The following ZFAT variants were observed in gnomAD, a reference collection of about 807,000 sequenced individuals.
The protein encoded by ZFAT is zinc finger protein ZFAT.
A neutral mutation model predicts 117.7 loss-of-function variants in ZFAT; 64 were observed. That is an observed-to-expected ratio of 0.54 (90% CI 0.44 to 0.67). The LOEUF (loss-of-function observed/expected upper bound fraction) is 0.67. ZFAT is among the 30% of genes least tolerant of loss of function. ZFAT has a pLI of 0.00. For missense variants in ZFAT, 1,433 were observed against 1,584.5 expected (o/e 0.90, Z 1.62); for synonymous variants, 679 against 615.0 (o/e 1.10, Z -1.54).
chr8:134,801,576 A>G, the ZFAT span, among the ~76,000 whole-genome samples: 1 of 152,024 alleles, frequency 6.6e-6, no homozygotes, highest in Non-Finnish European at 1.5e-5. Flanking sequence ...TTAAATACAC[A>G]TATACCTCCC....
chr8:134,634,152 A>G (rs1428069801), intron 3 of ZFAT, among the ~76,000 whole-genome samples: 1 of 152,268 alleles, frequency 6.6e-6, no homozygotes, highest in Non-Finnish European at 1.5e-5. Flanking sequence ...CACTGAGAAC[A>G]GCAACTGTAG....
At chr8:134,485,011 G>C (rs1166380453) in intron 15 of ZFAT, among the ~76,000 whole-genome samples, 1 of 152,114 alleles carries the variant, frequency 6.6e-6, no homozygotes, top group Non-Finnish European at 1.5e-5. Context: ...GACAGATCTA[G>C]GGCTCTGAGA....
chr8:134,713,000 AT>A lies in ZFAT; in HGVS notation c.-138del. On this transcript the variant is annotated 5_prime_UTR_variant, in exon 1 of 16. It removes the in-frame stop codon of an upstream open reading frame in the 5' UTR. Coordinates refer to ENST00000377838, the MANE Select transcript of ZFAT (RefSeq NM_020863.4). ...TTTTAAGAAAAGAGCCGGCGAGGTTATGGCGAATCTGCGGCATCCAACATGG... is the reference window on the plus strand; with the variant it reads ...TTTTAAGAAAAGAGCCGGCGAGGTTAGGCGAATCTGCGGCATCCAACATGG... 1 of 1,045,754 alleles carries A rather than the reference AT, an allele frequency of 9.6e-7. No homozygotes were observed. The highest frequency in any genetic ancestry group is 2.1e-5 in the South Asian group (1 of 47,106). The allele number at this position is 1,045,754 out of a possible 1,614,324, so 64.8% of individuals were successfully genotyped here. A position where few individuals can be genotyped will look rare whatever the true frequency, so the allele number is the denominator to read the frequency against.
the ZFAT span, among the ~76,000 whole-genome samples, chr8:134,763,968 T>G: frequency 4.6e-5 from 7 of 152,246 alleles, no homozygotes; most frequent in Non-Finnish European, 7.3e-5. Context: ...TTGGACAAAT[T>G]AGAAAACCTG....
At chr8:134,574,033 G>T (rs552622145) in intron 10 of ZFAT, among the ~76,000 whole-genome samples, 1 of 152,352 alleles carries the variant, frequency 6.6e-6, no homozygotes, top group East Asian at 1.9e-4. Flanking sequence ...AGAAGAAACA[G>T]GAATACTTGT....
the ZFAT span, among the ~76,000 whole-genome samples, chr8:134,808,551 ATCG>A: frequency 2.6e-5 from 4 of 152,208 alleles, no homozygotes; most frequent in Non-Finnish European, 5.9e-5. Context: ...AGTCTGTAAG[ATCG>A]TAGCAAGAGT....
At chr8:134,537,717 C>T (rs939991106) in intron 11 of ZFAT, among the ~76,000 whole-genome samples, 1 of 152,090 alleles carries the variant, frequency 6.6e-6, no homozygotes, top group Non-Finnish European at 1.5e-5. Context: ...AGGCAGGGAA[C>T]CAATTATCCA....
At chr8:134,816,198 G>A in the ZFAT span, among the ~76,000 whole-genome samples, 1 of 152,118 alleles carries the variant, frequency 6.6e-6, no homozygotes, top group Non-Finnish European at 1.5e-5. Flanking sequence ...TGAGGAACTA[G>A]GACTCAAAGA....
intron 15 of ZFAT, among the ~76,000 whole-genome samples, chr8:134,490,754 C>T (rs1817993938): frequency 6.6e-6 from 1 of 152,228 alleles, no homozygotes; most frequent in African/African-American, 2.4e-5. Flanking sequence ...TTTACCCCTC[C>T]CTGCATTCCT....
intron 1 of ZFAT, 58 bp from the exon 2 acceptor site, chr8:134,657,795 T>C (rs1586905308): frequency 6.4e-7 from 1 of 1,555,058 alleles, no homozygotes; most frequent in Admixed American, 1.8e-5. Flanking sequence ...AATTATTACT[T>C]CCAATTGCCA....
intron 10 of ZFAT, among the ~76,000 whole-genome samples, chr8:134,572,011 A>G (rs1267365794): frequency 2.0e-5 from 3 of 152,244 alleles, no homozygotes; most frequent in Non-Finnish European, 4.4e-5. Context: ...TACATGCAAG[A>G]AAGAAGCCCC....
intron 10 of ZFAT, among the ~76,000 whole-genome samples, chr8:134,572,094 C>T (rs889972843): frequency 6.6e-6 from 1 of 152,184 alleles, no homozygotes; most frequent in Non-Finnish European, 1.5e-5. Context: ...AATGGTTACA[C>T]AACTCATGGA....
intron 15 of ZFAT, among the ~76,000 whole-genome samples, chr8:134,506,357 C>A (rs544414232): frequency 1.3e-3 from 202 of 152,292 alleles, no homozygotes; most frequent in Non-Finnish European, 2.4e-3. Context: ...TCTTTCTGAG[C>A]GTTGGGAGAT....
chr8:134,512,508 C>G lies in ZFAT; in HGVS notation c.3328G>C (p.Ala1110Pro). 6.2e-7 allele frequency: 1 copy of G among 1,614,012 alleles called. No homozygotes were observed. The highest frequency in any genetic ancestry group is 1.1e-5 in the South Asian group (1 of 91,084). ...DVQGTQAAVAALQDLRYTSES... is the reference protein window; with the variant it reads ...DVQGTQAAVAPLQDLRYTSES... ...GAGGTGTATCTCAGGTCCTGGAGCG[C>G]GGCCACCGCTGCCTGTGTCCCTTGA... The change falls in exon 14 of 16, where the codon GCG (alanine) becomes CCG (proline). Residue 1110 changes from alanine to proline, a missense_variant. Ala to Pro is a conservative substitution (Grantham distance 27). Around this residue, in one of 5 missense-constraint regions of ZFAT, gnomAD observed 503 missense variants for 543.4 expected, o/e 0.93. Coordinates refer to ENST00000377838, the MANE Select transcript of ZFAT (RefSeq NM_020863.4).
the ZFAT span, among the ~76,000 whole-genome samples, chr8:134,804,411 G>A: frequency 2.6e-5 from 4 of 152,128 alleles, no homozygotes; most frequent in Non-Finnish European, 5.9e-5. Flanking sequence ...CTAAGAGGAC[G>A]GAGAAAAATG....
At chr8:134,747,290 G>A in the ZFAT span, among the ~76,000 whole-genome samples, 5 of 151,634 alleles carry the variant, frequency 3.3e-5, no homozygotes, top group African/African-American at 4.8e-5. Flanking sequence ...AGGTCTCACT[G>A]TGTTGCCCAG....
At chr8:134,730,503 A>G in the ZFAT span, among the ~76,000 whole-genome samples, 1 of 152,192 alleles carries the variant, frequency 6.6e-6, no homozygotes, top group Non-Finnish European at 1.5e-5. Context: ...AGCACGTGGA[A>G]CATCCTCCGT....
At chr8:134,782,493 A>G in the ZFAT span, among the ~76,000 whole-genome samples, 2 of 152,358 alleles carry the variant, frequency 1.3e-5, no homozygotes, top group African/African-American at 4.8e-5. Flanking sequence ...AGTTGATTTA[A>G]GGAAATACAT....
At chr8:134,536,572 A>C (rs1821855833) in intron 11 of ZFAT, among the ~76,000 whole-genome samples, 7 of 152,196 alleles carry the variant, frequency 4.6e-5, no homozygotes, top group Admixed American at 4.6e-4. Context: ...AGGCACTGCC[A>C]CAGGCCAGCA....
Sources: allele counts gnomAD v4.1 joint callset (sites outside exome capture counted in the v4.1 genomes callset), GRCh38; gene constraint gnomAD v4.1.1; regional missense constraint gnomAD v4.1.1; transcripts MANE v1.5; gene names NCBI Gene and HGNC (gene_info 2026-07-23, HGNC 2026-07-21).